The following BAHCC1 variants were observed in gnomAD, a reference collection of about 807,000 sequenced individuals.
BAHCC1 encodes BAH and coiled-coil domain-containing protein 1.
A neutral mutation model predicts 88.2 loss-of-function variants in BAHCC1; 43 were observed. That is an observed-to-expected ratio of 0.49 (90% CI 0.38 to 0.63). BAHCC1 has a LOEUF of 0.63. Among genes scored for constraint, BAHCC1 ranks in the 20% least tolerant of loss-of-function variants. BAHCC1 has a pLI of 0.00. For synonymous variants in BAHCC1, 1,510 were observed against 745.5 expected, an observed-to-expected ratio of 2.03 and a Z score of -16.71; for missense variants, 3,023 against 1,654.8, an observed-to-expected ratio of 1.83 and a Z score of -14.34.
chr17:81,412,551 G>C (rs977319586), intron 2 of BAHCC1, among the ~76,000 whole-genome samples: 2 of 152,188 alleles, frequency 1.3e-5, no homozygotes, highest in Admixed American at 6.5e-5. Context: ...GGGGCCCGTC[G>C]GCCAGGGCAG....
At chr17:81,401,066 C>T (rs1165778131) in intron 2 of BAHCC1, 1 of 152,208 alleles carries the variant, frequency 6.6e-6, no homozygotes, top group Non-Finnish European at 1.5e-5. Context: ...ACTGTGAATA[C>T]TAATAAAATT....
intron 2 of BAHCC1, among the ~76,000 whole-genome samples, chr17:81,425,578 G>C (rs2064177786): frequency 6.6e-6 from 1 of 151,272 alleles, no homozygotes; most frequent in Non-Finnish European, 1.5e-5. Context: ...TGATGTGGTT[G>C]GGGGTGATAG....
At position 81,459,122 on chromosome 17, in the gene BAHCC1, A is replaced by C. The variant is rs1555658424; in HGVS notation, c.5674A>C (p.Ser1892Arg). 1 of 772,450 alleles carries C rather than the reference A, an allele frequency of 1.3e-6. No homozygotes were observed. The highest frequency in any genetic ancestry group is 1.4e-5 in the South Asian group (1 of 73,542). 47.8% of individuals were successfully genotyped at this position (772,450 alleles called of 1,614,324 possible). A position where few individuals can be genotyped will look rare whatever the true frequency, so the allele number is the denominator to read the frequency against. Reference sequence around the variant, plus strand: ...GCCCGTGCTCATCCCCAAGGAGGATAGCCTGCTGTACGCGGGCAGCGTCAG... The same window carrying C: ...GCCCGTGCTCATCCCCAAGGAGGATCGCCTGCTGTACGCGGGCAGCGTCAG... ...GLPVLIPKED[S>R]LLYAGSVRTL... Residue 1892 changes from serine to arginine, a missense_variant, in exon 21 of 28, where the codon AGC (serine) becomes CGC (arginine). By Grantham distance (110) the Ser-to-Arg change is moderately radical (BLOSUM62 -1). Coordinates refer to ENST00000675386, the MANE Select transcript of BAHCC1 (RefSeq NM_001377448.1).
At position 81,443,579 on chromosome 17, in the gene BAHCC1, C is replaced by T. The variant is rs1568019735; in HGVS notation, c.2215+15C>T. ...CGCCTTCAAAGGTACAGGCCCTGCA[C>T]AGAGAGGGAGGCAGGCCGGGACAGT... On this transcript the variant is annotated intron_variant, in intron 5 of 27. Coordinates refer to ENST00000675386, the MANE Select transcript of BAHCC1 (RefSeq NM_001377448.1). 1.6e-6 allele frequency: 1 copy of T among 625,114 alleles called. No individual in the cohort carries two copies. Among genetic ancestry groups the T allele is most frequent in the South Asian group, 1.8e-5 (1 of 56,556 alleles). 38.7% of individuals were successfully genotyped at this position (625,114 alleles called of 1,614,324 possible). A position where few individuals can be genotyped will look rare whatever the true frequency, so the allele number is the denominator to read the frequency against.
chr17:81,447,698 G>A lies in BAHCC1; in HGVS notation c.3826G>A (p.Asp1276Asn), dbSNP rs372979725. Residue 1276 changes from aspartate (D) to asparagine (N), a missense_variant, in exon 11 of 28, where the codon GAC becomes AAC. Physicochemically the swap from Asp to Asn is conservative, Grantham distance 23 (BLOSUM62 1). Transcript: ENST00000675386. Reference sequence around the variant, plus strand: ...CATCAACCTGGGGGACCTGCCCAGCGACAGCCCACCGGACCCTCAGCCCCC... The same window carrying A: ...CATCAACCTGGGGGACCTGCCCAGCAACAGCCCACCGGACCCTCAGCCCCC... ...ATINLGDLPS[D>N]SPPDPQPPAA... 2.4e-4 allele frequency: 179 copies of A among 735,342 alleles called. 1 individual carries two copies. In the Admixed American group the frequency reaches 2.9e-3, roughly 12 times the overall value. 45.6% of individuals were successfully genotyped at this position (735,342 alleles called of 1,614,324 possible). A position where few individuals can be genotyped will look rare whatever the true frequency, so the allele number is the denominator to read the frequency against.
chr17:81,455,159 C>T lies in BAHCC1; in HGVS notation c.4446-108C>T, dbSNP rs577238131. 45 of 642,956 alleles carry T rather than the reference C, an allele frequency of 7.0e-5. No individual in the cohort carries two copies. In the African/African-American group the frequency reaches 8.0e-4, roughly 11 times the overall value. 39.8% of individuals were successfully genotyped at this position (642,956 alleles called of 1,614,324 possible). A position where few individuals can be genotyped will look rare whatever the true frequency, so the allele number is the denominator to read the frequency against. ...CTCTGTCTGCCCGAGACGTGGGGCC[C>T]TTGGAGGAGGGTGACCCACAGTGTG... On this transcript the variant is annotated intron_variant, in intron 14 of 27. Transcript: ENST00000675386.
Position 81,443,091 on chromosome 17 carries a change from T to A in BAHCC1, c.1742T>A (p.Leu581Gln). The change falls in exon 5 of 28, where the codon CTG becomes CAG. Residue 581 changes from leucine (L) to glutamine (Q), a missense_variant. By Grantham distance (113) the Leu-to-Gln change is moderately radical (BLOSUM62 -2). Coordinates refer to ENST00000675386, the MANE Select transcript of BAHCC1 (RefSeq NM_001377448.1). ...LASLGYSGPHLPPWGVQAGQG... is the reference protein window; with the variant it reads ...LASLGYSGPHQPPWGVQAGQG... The stretch of plus-strand genomic sequence containing the variant: ...TCCCTGGGCTACAGTGGGCCCCACC[T>A]GCCCCCATGGGGTGTCCAGGCAGGC... The A allele has an allele frequency of 2.6e-6, 2 of 778,304 alleles. No homozygotes were observed. The highest frequency in any genetic ancestry group is 2.7e-5 in the South Asian group (2 of 74,594). 48.2% of individuals were successfully genotyped at this position (778,304 alleles called of 1,614,324 possible).
intron 2 of BAHCC1, among the ~76,000 whole-genome samples, chr17:81,423,332 C>T (rs1420015062): frequency 2.6e-5 from 4 of 152,352 alleles, no homozygotes; most frequent in Non-Finnish European, 2.9e-5. Context: ...CTGCCAGGGC[C>T]GTGCAGGGCA....
Position 81,458,210 on chromosome 17 carries a change from G to A in BAHCC1, c.5087G>A (p.Arg1696Lys). Residue 1696 changes from arginine (R) to lysine (K), a missense_variant, in exon 18 of 28, where the codon AGG becomes AAG. Arg to Lys is a conservative substitution (Grantham distance 26). Transcript: ENST00000675386. ...SSPESEVKIK[R>K]RSVKAKVGTT... ...CCTGAGAGTGAGGTCAAGATCAAGA[G>A]GCGGTCGGTGAAGGCCAAGGTGGGC... 1.4e-6 allele frequency: 1 copy of A among 730,028 alleles called. No homozygotes were observed. Among genetic ancestry groups the A allele is most frequent in the South Asian group, 1.5e-5 (1 of 68,418 alleles). The allele number at this position is 730,028 out of a possible 1,614,324, so 45.2% of individuals were successfully genotyped here.
chr17:81,445,017 G>A lies in BAHCC1; in HGVS notation c.2674G>A (p.Asp892Asn). The A allele has an allele frequency of 1.3e-6, 1 of 759,880 alleles. No individual in the cohort carries two copies. The highest frequency in any genetic ancestry group is 2.4e-6 in the Non-Finnish European group (1 of 410,894). 47.1% of individuals were successfully genotyped at this position (759,880 alleles called of 1,614,324 possible). ...CCCCTCCTGGGCCCTGCCCACAGCG[G>A]ATGTCATGGACCAGGCGTCACTGTG... is the stretch of plus-strand genomic sequence containing the variant. ...TPHSAPHALA[D>N]VMDQASLWPP... The change falls in exon 9 of 28, where the codon GAT becomes AAT. Residue 892 changes from aspartate to asparagine, a missense_variant and splice_region_variant. Coordinates refer to ENST00000675386, the MANE Select transcript of BAHCC1 (RefSeq NM_001377448.1).
chr17:81,451,965 C>CT lies in BAHCC1; in HGVS notation c.4180-6_4180-5insT, dbSNP rs368592725. ...GGCTCACAGGCCCCTGTGCCCCCCCCACCAGGTGTGCCCCCTGAAGGCCGC... is the reference window on the plus strand; with the variant it reads ...GGCTCACAGGCCCCTGTGCCCCCCCCTACCAGGTGTGCCCCCTGAAGGCCGC... On this transcript the variant is annotated splice_polypyrimidine_tract_variant and splice_region_variant and intron_variant, in intron 12 of 27. Coordinates refer to ENST00000675386, the MANE Select transcript of BAHCC1 (RefSeq NM_001377448.1). 4.7e-5 allele frequency: 29 copies of CT among 623,524 alleles called. No individual in the cohort carries two copies. Among genetic ancestry groups the CT allele is most frequent in the Non-Finnish European group, 4.6e-5 (16 of 347,722 alleles). The allele number at this position is 623,524 out of a possible 1,614,324, so 38.6% of individuals were successfully genotyped here.
At chr17:81,418,788 C>CGCGTGTGCGTGTGT in intron 2 of BAHCC1, among the ~76,000 whole-genome samples, 1 of 4,276 alleles carries the variant, frequency 2.3e-4, no homozygotes, top group Non-Finnish European at 7.2e-4. Flanking sequence ...TGTGTGTGTA[C>CGCGTGTGCGTGTGT]GTGTGTGCGT....
chr17:81,408,882 A>T (rs368150995), intron 2 of BAHCC1, among the ~76,000 whole-genome samples: 110 of 151,972 alleles, frequency 7.2e-4, no homozygotes, highest in African/African-American at 2.6e-3. Flanking sequence ...GTCCCTTCCT[A>T]TCCCCAGAGC....
intron 22 of BAHCC1, 55 bp downstream of exon 22, chr17:81,459,383 CAA>C (rs1555658508): frequency 1.3e-6 from 1 of 762,878 alleles, no homozygotes; most frequent in Non-Finnish European, 2.4e-6. Context: ...TGTCCCAGGA[CAA>C]AGGAAGGCCT....
chr17:81,438,965 C>G (rs2064375304), intron 4 of BAHCC1, among the ~76,000 whole-genome samples: 1 of 152,118 alleles, frequency 6.6e-6, no homozygotes, highest in African/African-American at 2.4e-5. Context: ...GGCCCAGCCC[C>G]CAGCCCCCAG....
Position 81,443,118 on chromosome 17 carries a change from A to G in BAHCC1, c.1769A>G (p.Gln590Arg). Reference sequence around the variant, plus strand: ...CCCCCATGGGGTGTCCAGGCAGGCCAGGGCACCGCCATGGCCATCAGCGAG... The same window carrying G: ...CCCCCATGGGGTGTCCAGGCAGGCCGGGGCACCGCCATGGCCATCAGCGAG... ...HLPPWGVQAG[Q>R]GTAMAISEER... The change falls in exon 5 of 28, where the codon CAG (glutamine) becomes CGG (arginine). Residue 590 changes from glutamine (Q) to arginine (R), a missense_variant. Transcript: ENST00000675386. The G allele has an allele frequency of 2.6e-6, 2 of 777,952 alleles. No homozygotes were observed. The highest frequency in any genetic ancestry group is 2.7e-5 in the South Asian group (2 of 74,576). The allele number at this position is 777,952 out of a possible 1,614,324, so 48.2% of individuals were successfully genotyped here.
chr17:81,406,897 C>G, intron 2 of BAHCC1: 2 of 456,318 alleles, frequency 4.4e-6, no homozygotes. Context: ...CATGCTGCAG[C>G]TGTCCACACG....
intron 11 of BAHCC1, among the ~76,000 whole-genome samples, chr17:81,448,559 G>A (rs1408216811): frequency 4.6e-5 from 7 of 152,324 alleles, no homozygotes; most frequent in Non-Finnish European, 7.4e-5. Context: ...GGTGGAGGGC[G>A]TCCCCCAGCC....
chr17:81,395,833 CTA>C (rs1162920481), intron 1 of BAHCC1, 198 bp downstream of exon 1: 2 of 149,850 alleles, frequency 1.3e-5, no homozygotes, highest in African/African-American at 4.9e-5. Flanking sequence ...AAAATATGGA[CTA>C]TGAGCGATTT....
Sources: allele counts gnomAD v4.1 joint callset (sites outside exome capture counted in the v4.1 genomes callset), GRCh38; gene constraint gnomAD v4.1.1; transcripts MANE v1.5; gene names NCBI Gene and HGNC (gene_info 2026-07-23, HGNC 2026-07-21).